The following FAM163B variants were observed in gnomAD, a reference collection of about 807,000 sequenced individuals.
FAM163B encodes the protein protein FAM163B.
In FAM163B, 4 loss-of-function variants were observed where a neutral mutation model predicts 7.6. That is an observed-to-expected ratio of 0.52 (90% CI 0.26 to 1.20). The LOEUF (loss-of-function observed/expected upper bound fraction) is 1.20. Ranked by LOEUF, FAM163B falls within the 50% of genes most tolerant of loss-of-function variation. The pLI is 0.14. For missense variants in FAM163B, 250 were observed against 243.0 expected, an observed-to-expected ratio of 1.03 and a Z score of -0.19; for synonymous variants, 120 against 111.6, an observed-to-expected ratio of 1.07 and a Z score of -0.47.
In FAM163B at chr9:133,600,843, G is replaced by A. The variant is rs3025321; in HGVS notation, c.-24+8234C>T. 0.064 allele frequency among the ~76,000 whole-genome samples: 9,703 copies of A among 152,132 alleles called. 463 individuals are homozygous for A. The highest frequency in any genetic ancestry group is 0.15 in the Admixed American group (2,347 of 15,288). On this transcript the variant is annotated intron_variant, in intron 1 of 2. Transcript: ENST00000673969. This position sits in a 1 kb window ranked among gnomAD's most constrained non-coding sequence, Gnocchi z 4.9. ...GCAAGCTCAGTGAACAATCACAGACGCTCCCTAACCCCCTTTCCCCTCGCA... is the reference window on the plus strand; with the variant it reads ...GCAAGCTCAGTGAACAATCACAGACACTCCCTAACCCCCTTTCCCCTCGCA...
intron 1 of FAM163B, among the ~76,000 whole-genome samples, chr9:133,596,024 G>C (rs1831626757): frequency 6.6e-6 from 1 of 152,152 alleles, no homozygotes; most frequent in South Asian, 2.1e-4. Context: ...TAGTGGCTCT[G>C]TGGCTGCGGG....
chr9:133,593,685 C>G (rs1203673954), intron 1 of FAM163B, among the ~76,000 whole-genome samples: 2 of 152,254 alleles, frequency 1.3e-5, no homozygotes. Flanking sequence ...CCCTCCTTTC[C>G]ATGGCATCTG....
intron 1 of FAM163B, among the ~76,000 whole-genome samples, chr9:133,592,169 AGTG>A (rs1405125170): frequency 5.3e-5 from 8 of 152,162 alleles, no homozygotes; most frequent in Admixed American, 5.2e-4. Flanking sequence ...CCTGGTAAAC[AGTG>A]GGTGCTCCAT....
At chr9:133,583,790 C>T (rs1350519747) in intron 1 of FAM163B, among the ~76,000 whole-genome samples, 3 of 152,214 alleles carry the variant, frequency 2.0e-5, no homozygotes, top group Non-Finnish European at 2.9e-5. Context: ...CTCCAACACC[C>T]AGGCTGGTCC....
intron 1 of FAM163B, among the ~76,000 whole-genome samples, chr9:133,593,854 C>T (rs1029600977): frequency 5.3e-5 from 8 of 152,206 alleles, no homozygotes; most frequent in African/African-American, 9.6e-5. Context: ...GCTTTGATGG[C>T]GCCTCACTGG....
At chr9:133,595,081 C>G (rs1330256392) in intron 1 of FAM163B, among the ~76,000 whole-genome samples, 1 of 152,198 alleles carries the variant, frequency 6.6e-6, no homozygotes, top group Non-Finnish European at 1.5e-5. Context: ...CCAGGTCAGT[C>G]TTCCTCACAT....
rs527673922 is a variant in FAM163B, at chr9:133,609,349, A to C, written c.-296T>G. On this transcript the variant is annotated 5_prime_UTR_variant, in exon 1 of 3. Transcript: ENST00000673969. ...CCCCGGCTGGCTCCCTGCGAGCTGCACGCGCGGCTCCAGCCTGGTCCCGAG... is the reference window on the plus strand; with the variant it reads ...CCCCGGCTGGCTCCCTGCGAGCTGCCCGCGCGGCTCCAGCCTGGTCCCGAG... 2.0e-5 allele frequency among the ~76,000 whole-genome samples: 3 copies of C among 149,494 alleles called. No individual in the cohort carries two copies. Among genetic ancestry groups the C allele is most frequent in the Non-Finnish European group, 3.0e-5 (2 of 67,066 alleles).
intron 1 of FAM163B, among the ~76,000 whole-genome samples, chr9:133,598,399 GA>G (rs1347763505): frequency 6.6e-6 from 1 of 151,078 alleles, no homozygotes; most frequent in Non-Finnish European, 1.5e-5. Context: ...AAACAAAAGA[GA>G]AGTGCATTTG....
Position 133,606,630 on chromosome 9 carries a change from A to G in FAM163B, c.-24+2447T>C, listed in dbSNP as rs1831792969. On this transcript the variant is annotated intron_variant, in intron 1 of 2. Transcript: ENST00000673969. This position sits in a 1 kb window ranked among gnomAD's most constrained non-coding sequence, Gnocchi z 4.0. Reference sequence around the variant, plus strand: ...GCACCCGTGGTCTGGCCTGGAAACCACTCTCTCTGCCACACAAATTGCCAT... The same window carrying G: ...GCACCCGTGGTCTGGCCTGGAAACCGCTCTCTCTGCCACACAAATTGCCAT... 6.6e-6 allele frequency among the ~76,000 whole-genome samples: 1 copy of G among 152,046 alleles called. No individual in the cohort carries two copies. Among genetic ancestry groups the G allele is most frequent in the African/African-American group, 2.4e-5 (1 of 41,378 alleles).
At chr9:133,581,358 C>T (rs1360465194) in intron 1 of FAM163B, among the ~76,000 whole-genome samples, 2 of 152,188 alleles carry the variant, frequency 1.3e-5, no homozygotes, top group African/African-American at 2.4e-5. Flanking sequence ...TCCTCAATTT[C>T]CCAAGCCTCA....
At position 133,580,209 on chromosome 9, in the gene FAM163B, G is replaced by A. The variant is rs929547517; in HGVS notation, c.15C>T (p.Thr5=). The change falls in exon 2 of 3, where the codon ACC becomes ACT. Residue 5 remains threonine (T), a synonymous_variant. Transcript: ENST00000673969. ...CCAAGATGCCCCCGGTGATGACCAC[G>A]GTCCCGGCTGTCATCCGCCCCCTTC... MTAG[T]VVITGGILAT... 83 of 1,613,466 alleles carry A rather than the reference G, an allele frequency of 5.1e-5. No homozygotes were observed. The highest frequency in any genetic ancestry group is 4.9e-4 in the East Asian group (22 of 44,884).
intron 1 of FAM163B, among the ~76,000 whole-genome samples, chr9:133,608,229 T>C (rs1446116233): frequency 6.6e-6 from 1 of 152,204 alleles, no homozygotes; most frequent in Non-Finnish European, 1.5e-5. Flanking sequence ...GAAGGTTCCA[T>C]GAACTTGACC....
chr9:133,598,084 C>T (rs1831657846), intron 1 of FAM163B, among the ~76,000 whole-genome samples: 1 of 151,944 alleles, frequency 6.6e-6, no homozygotes, highest in Non-Finnish European at 1.5e-5. Flanking sequence ...ATCTAAGTGG[C>T]CAGTCTGGGG....
chr9:133,594,090 A>G (rs976369290), intron 1 of FAM163B, among the ~76,000 whole-genome samples: 2 of 152,246 alleles, frequency 1.3e-5, no homozygotes, highest in African/African-American at 4.8e-5. Flanking sequence ...AGACAAGATC[A>G]GCTTGTGTAG....
Position 133,600,890 on chromosome 9 carries a change from A to T in FAM163B, c.-24+8187T>A, listed in dbSNP as rs898481931. Among the ~76,000 whole-genome samples the T allele has an allele frequency of 4.6e-5, 7 of 152,132 alleles. No individual in the cohort carries two copies. The highest frequency in any genetic ancestry group is 1.7e-4 in the African/African-American group (7 of 41,420). ...CGCAAATAACAATTCATCCAAGGCC[A>T]TTAACTCAACTCTCCCTTGGTAGGG... is the stretch of plus-strand genomic sequence containing the variant. On this transcript the variant is annotated intron_variant, in intron 1 of 2. Transcript: ENST00000673969. This position sits in a 1 kb window ranked among gnomAD's most constrained non-coding sequence, Gnocchi z 4.9.
chr9:133,589,713 C>A (rs1427528838), intron 1 of FAM163B, among the ~76,000 whole-genome samples: 2 of 152,078 alleles, frequency 1.3e-5, no homozygotes, highest in Non-Finnish European at 2.9e-5. Context: ...CCTGAGTGAG[C>A]TGGGGTCTTG....
chr9:133,579,820 C>G (rs1831327417), intron 2 of FAM163B, among the ~76,000 whole-genome samples: 1 of 152,194 alleles, frequency 6.6e-6, no homozygotes, highest in African/African-American at 2.4e-5. Context: ...CATGGAGACT[C>G]TGGATGGCCC....
chr9:133,594,177 T>C lies in FAM163B; in HGVS notation c.-23-13931A>G, dbSNP rs541450225. The stretch of plus-strand genomic sequence containing the variant: ...TCTCGGAATAGTGCCAAGGTTTCCT[T>C]TACAGCGCATTTGTTTCCCGTAAGG... On this transcript the variant is annotated intron_variant, in intron 1 of 2. Transcript: ENST00000673969. Among the ~76,000 whole-genome samples, 8 of 152,348 alleles carry C rather than the reference T, an allele frequency of 5.3e-5. No homozygotes were observed. In the South Asian group the frequency reaches 1.2e-3, roughly 24 times the overall value.
At position 133,579,321 on chromosome 9, in the gene FAM163B, T is replaced by C. The variant is rs1465967113; in HGVS notation, c.202A>G (p.Asn68Asp). The stretch of plus-strand genomic sequence containing the variant: ...GCGGTGGGGTAGAGCGCCGGCCCGT[T>C]GGTCAGCACCAGGTTGCGGTTGGAG... ...LHSNRNLVLT[N>D]GPALYPTAST... Residue 68 changes from asparagine to aspartate, a missense_variant, in exon 3 of 3, where the codon AAC becomes GAC. Physicochemically the swap from Asn to Asp is conservative, Grantham distance 23. Transcript: ENST00000673969. 6 of 1,613,570 alleles carry C rather than the reference T, an allele frequency of 3.7e-6. No homozygotes were observed. The highest frequency in any genetic ancestry group is 5.1e-6 in the Non-Finnish European group (6 of 1,179,962).
Sources: gnomAD v4.1 joint callset for allele counts (sites outside exome capture counted in the v4.1 genomes callset) on GRCh38, gnomAD v4.1.1 for gene constraint, Gnocchi (gnomAD v3.1) non-coding constraint, MANE v1.5 for transcripts, NCBI Gene and HGNC (gene_info 2026-07-23, HGNC 2026-07-21) for gene names.